The following INPP5A variants were observed in gnomAD, a reference collection of about 807,000 sequenced individuals.
The protein encoded by INPP5A is 43 kDa inositol polyphosphate 5-phophatase.
A neutral mutation model predicts 65.2 loss-of-function variants in INPP5A; 14 were observed. The observed-to-expected ratio is 0.21, with a 90% CI of 0.14 to 0.34. The LOEUF is 0.34. Ranked by LOEUF, INPP5A falls within the 10% of genes least tolerant of loss-of-function variation. The probability of loss-of-function intolerance (pLI) is 1.00; values close to 1 mark genes in which losing one functional copy is unlikely to be tolerated. For synonymous variants in INPP5A, 207 were observed against 208.3 expected, an observed-to-expected ratio of 0.99 and a Z score of 0.05; for missense variants, 431 against 545.6, an observed-to-expected ratio of 0.79 and a Z score of 2.09.
chr10:132,585,369 C>T (rs963214117), intron 1 of INPP5A, among the ~76,000 whole-genome samples: 5 of 152,222 alleles, frequency 3.3e-5, no homozygotes, highest in Admixed American at 6.5e-5. Flanking sequence ...AGAGAAAGCG[C>T]GAGTGCGAGC....
At chr10:132,699,636 C>T (rs1053432703) in intron 6 of INPP5A, among the ~76,000 whole-genome samples, 2 of 152,046 alleles carry the variant, frequency 1.3e-5, no homozygotes, top group African/African-American at 4.8e-5. Flanking sequence ...GGGTGGGGGC[C>T]GAGGTGTGTC....
At chr10:132,670,240 C>T (rs1332324600) in intron 4 of INPP5A, among the ~76,000 whole-genome samples, 1 of 91,982 alleles carries the variant, frequency 1.1e-5, no homozygotes, top group African/African-American at 4.3e-5. Context: ...CACCCCCTGA[C>T]CCCACACCCC....
chr10:132,768,973 C>T lies in INPP5A; in HGVS notation c.977+3127C>T, dbSNP rs532890937. ...GCAGGACCCTCCCGCGGGCAGTAGA[C>T]CCTCCATGGGGAGAGCCCGCACCTG... On this transcript the variant is annotated intron_variant, in intron 12 of 15. Transcript: ENST00000368594. 2.6e-5 allele frequency among the ~76,000 whole-genome samples: 4 copies of T among 152,252 alleles called. No individual in the cohort carries two copies. The East Asian group carries it at 7.7e-4, about 29-fold the overall frequency.
At chr10:132,719,226 G>A (rs1358748791) in intron 8 of INPP5A, among the ~76,000 whole-genome samples, 10 of 107,294 alleles carry the variant, frequency 9.3e-5, no homozygotes, top group East Asian at 6.1e-4. Context: ...GACTGTCTTG[G>A]GGGTTCTGTG....
At chr10:132,571,284 A>C (rs2071339263) in intron 1 of INPP5A, among the ~76,000 whole-genome samples, 1 of 152,236 alleles carries the variant, frequency 6.6e-6, no homozygotes, top group Admixed American at 6.5e-5. Context: ...CGAGCAGAGG[A>C]GGAGGGCCAT....
At chr10:132,542,153 C>T (rs1262596319) in intron 1 of INPP5A, among the ~76,000 whole-genome samples, 4 of 152,388 alleles carry the variant, frequency 2.6e-5, no homozygotes, top group East Asian at 1.9e-4. Flanking sequence ...AGCCCGCTGG[C>T]GGGTATCTGC....
At chr10:132,779,239 T>TGCCCCTCTGGCTGGGCTCACTGGTAGG (rs1847117021) in intron 13 of INPP5A, among the ~76,000 whole-genome samples, 2 of 152,256 alleles carry the variant, frequency 1.3e-5, no homozygotes, top group Admixed American at 6.5e-5. Flanking sequence ...GACCTGCCAC[T>TGCCCCTCTGGCTGGGCTCACTGGTAGG]GCCCCTCTGG....
intron 11 of INPP5A, among the ~76,000 whole-genome samples, chr10:132,755,620 G>A (rs1846589918): frequency 6.7e-6 from 1 of 149,572 alleles, no homozygotes; most frequent in Non-Finnish European, 1.5e-5. Context: ...GAGTGGGTGT[G>A]TGTGTGTGTG....
chr10:132,755,483 CAT>C (rs1846584341), intron 11 of INPP5A, among the ~76,000 whole-genome samples: 5 of 135,632 alleles, frequency 3.7e-5, no homozygotes, highest in Admixed American at 2.9e-4. Context: ...CAGGCATACG[CAT>C]ATGAGTGGGT....
At chr10:132,722,154 T>G (rs1362463410) in intron 8 of INPP5A, among the ~76,000 whole-genome samples, 1 of 152,244 alleles carries the variant, frequency 6.6e-6, no homozygotes, top group African/African-American at 2.4e-5. Flanking sequence ...TAAAGTTGTT[T>G]GATCAGAGAA....
intron 1 of INPP5A, among the ~76,000 whole-genome samples, chr10:132,590,237 G>A (rs1416018897): frequency 3.3e-5 from 5 of 152,292 alleles, no homozygotes; most frequent in African/African-American, 9.6e-5. Context: ...GTCAGATGCC[G>A]TCCTGTGGGG....
At chr10:132,554,519 C>T (rs530957918) in intron 1 of INPP5A, among the ~76,000 whole-genome samples, 9 of 152,082 alleles carry the variant, frequency 5.9e-5, no homozygotes, top group Non-Finnish European at 1.0e-4. Flanking sequence ...TGGGAAGCTG[C>T]GTGGTTGGTG....
At chr10:132,761,076 G>A (rs971840797) in intron 11 of INPP5A, among the ~76,000 whole-genome samples, 2 of 152,216 alleles carry the variant, frequency 1.3e-5, no homozygotes, top group Non-Finnish European at 2.9e-5. Flanking sequence ...GACTAAAAAT[G>A]TGCTGGGACC....
rs2072033624 is a variant in INPP5A, at chr10:132,616,368, G to T, written c.117+8412G>T. Among the ~76,000 whole-genome samples, 1 of 151,424 alleles carries T rather than the reference G, an allele frequency of 6.6e-6. No homozygotes were observed. The highest frequency in any genetic ancestry group is 1.5e-5 in the Non-Finnish European group (1 of 67,786). On this transcript the variant is annotated intron_variant, in intron 2 of 15. Transcript: ENST00000368594. This position sits in a 1 kb window ranked among gnomAD's most constrained non-coding sequence, Gnocchi z 4.9. The stretch of plus-strand genomic sequence containing the variant: ...GTGGTGTGGGGCACGTGGCGTGCGG[G>T]GACGCCGTGGGCGTGGTGTGAGGTA...
chr10:132,681,397 G>A (rs534062286), intron 4 of INPP5A, among the ~76,000 whole-genome samples: 4 of 152,216 alleles, frequency 2.6e-5, no homozygotes, highest in African/African-American at 9.6e-5. Context: ...CACTCACCGC[G>A]AAGATCTGCA....
chr10:132,642,508 C>T (rs754780470), intron 2 of INPP5A, among the ~76,000 whole-genome samples: 73 of 152,316 alleles, frequency 4.8e-4, no homozygotes, highest in Non-Finnish European at 7.5e-4. Context: ...TCTAGTTATC[C>T]GTGGGGTCGT....
At chr10:132,648,383 A>G (rs2133395022) in intron 3 of INPP5A, among the ~76,000 whole-genome samples, 1 of 152,374 alleles carries the variant, frequency 6.6e-6, no homozygotes, top group Middle Eastern at 3.4e-3. Flanking sequence ...GTACAGCGTT[A>G]TGATTTTTGC....
intron 10 of INPP5A, 70 bp downstream of exon 10, chr10:132,749,682 C>T: frequency 9.4e-6 from 15 of 1,594,722 alleles, no homozygotes; most frequent in Non-Finnish European, 1.2e-5. Flanking sequence ...TCCTTCAGAG[C>T]CGCCCTGCCT....
intron 4 of INPP5A, among the ~76,000 whole-genome samples, chr10:132,653,924 G>C (rs1278721568): frequency 6.6e-6 from 1 of 152,248 alleles, no homozygotes; most frequent in African/African-American, 2.4e-5. Context: ...TGTGTACTTG[G>C]TGCCTCAAAG....
Sources: allele counts gnomAD v4.1 joint callset (sites outside exome capture counted in the v4.1 genomes callset), GRCh38; gene constraint gnomAD v4.1.1; non-coding constraint Gnocchi (gnomAD v3.1); transcripts MANE v1.5; gene names NCBI Gene and HGNC (gene_info 2026-07-23, HGNC 2026-07-21).